DUSP22: variants seen among roughly 807,000 people sequenced by gnomAD.
DUSP22 encodes dual specificity phosphatase 22, also known as dual specificity protein phosphatase 22.
A neutral mutation model predicts 24.5 loss-of-function variants in DUSP22; 24 were observed. The observed-to-expected ratio is 0.98, with a 90% CI of 0.71 to 1.38. The LOEUF (loss-of-function observed/expected upper bound fraction) is 1.38, where lower values mean the gene tolerates loss of function less well. DUSP22 is among the 40% of genes most tolerant of loss of function. DUSP22 has a pLI of 0.00. For missense variants in DUSP22, 330 were observed against 269.2 expected, an observed-to-expected ratio of 1.23 and a Z score of -1.58; for synonymous variants, 160 against 106.4, an observed-to-expected ratio of 1.50 and a Z score of -3.10.
chr6:348,182 C>T lies in DUSP22; in HGVS notation c.343C>T (p.Leu115=), dbSNP rs2127423451. ...CACTGACTTTGGCTGGGAGGATGCC[C>T]TGCACACCGTGCGTGCTGGGAGATC... The part of the protein sequence containing the change: ...TVTDFGWEDA[L]HTVRAGRSCA... The change falls in exon 6 of 7, where the codon CTG becomes TTG. Residue 115 remains leucine, a synonymous_variant. Coordinates refer to ENST00000419235, the MANE Select transcript of DUSP22 (RefSeq NM_001286555.3). 1.2e-6 allele frequency: 2 copies of T among 1,614,312 alleles called. No individual in the cohort carries two copies. Among genetic ancestry groups the T allele is most frequent in the Non-Finnish European group, 1.7e-6 (2 of 1,180,060 alleles).
intron 3 of DUSP22, among the ~76,000 whole-genome samples, chr6:330,956 A>G (rs1177741557): frequency 6.6e-6 from 1 of 152,310 alleles, no homozygotes; most frequent in Non-Finnish European, 1.5e-5. Context: ...GGTCCCCTCA[A>G]CACAGGTAGA....
intron 1 of DUSP22, among the ~76,000 whole-genome samples, chr6:297,115 A>C (rs548363949): frequency 2.1e-3 from 314 of 152,286 alleles, no homozygotes; most frequent in Middle Eastern, 6.8e-3. Context: ...CTGCTGCTTC[A>C]TGGGTGTGAT....
intron 1 of DUSP22, among the ~76,000 whole-genome samples, chr6:295,405 G>A (rs1028623868): frequency 3.3e-5 from 5 of 152,392 alleles, no homozygotes; most frequent in South Asian, 2.1e-4. Flanking sequence ...GCCCGTTTCC[G>A]TTAGGTGTAC....
chr6:314,428 G>A (rs1415864044), intron 3 of DUSP22, among the ~76,000 whole-genome samples: 11 of 152,308 alleles, frequency 7.2e-5, no homozygotes, highest in African/African-American at 2.7e-4. Flanking sequence ...GACGTATTGG[G>A]CACTACACTG....
At chr6:298,654 A>G (rs1411691143) in intron 1 of DUSP22, among the ~76,000 whole-genome samples, 1 of 152,306 alleles carries the variant, frequency 6.6e-6, no homozygotes, top group Non-Finnish European at 1.5e-5. Context: ...GGGTGATTTC[A>G]AAGCATTTCT....
intron 3 of DUSP22, among the ~76,000 whole-genome samples, chr6:313,336 C>T (rs1351912235): frequency 6.6e-6 from 1 of 152,306 alleles, no homozygotes; most frequent in South Asian, 2.1e-4. Flanking sequence ...AATCTGCTCA[C>T]ATTGTAACTT....
chr6:346,205 C>G (rs1212687833), intron 5 of DUSP22, among the ~76,000 whole-genome samples: 4 of 152,302 alleles, frequency 2.6e-5, no homozygotes, highest in African/African-American at 9.6e-5. Context: ...ACAGAAACTT[C>G]CCTTTGCTGG....
Position 349,826 on chromosome 6 carries a change from C to T in DUSP22, c.*875C>T. ...TGTTTGTTCTCTGGAGCTGATTGCACTTGAGCTCTGTGGTGGGCAGGCGCA... is the reference window on the plus strand; with the variant it reads ...TGTTTGTTCTCTGGAGCTGATTGCATTTGAGCTCTGTGGTGGGCAGGCGCA... On this transcript the variant is annotated 3_prime_UTR_variant, in exon 7 of 7. Coordinates refer to ENST00000419235, the MANE Select transcript of DUSP22 (RefSeq NM_001286555.3). The T allele has an allele frequency of 1.0e-6, 1 of 985,962 alleles. No individual in the cohort carries two copies. The highest frequency in any genetic ancestry group is 1.2e-6 in the Non-Finnish European group (1 of 830,272). The allele number at this position is 985,962 out of a possible 1,614,324, so 61.1% of individuals were successfully genotyped here.
intron 1 of DUSP22, among the ~76,000 whole-genome samples, chr6:297,826 G>A (rs1416995471): frequency 6.6e-6 from 1 of 152,308 alleles, no homozygotes; most frequent in Non-Finnish European, 1.5e-5. Context: ...CCTTTGTGCT[G>A]CTAAATCCAT....
intron 6 of DUSP22, chr6:348,486 C>T (rs1044263488): frequency 2.2e-4 from 197 of 886,146 alleles, no homozygotes; most frequent in Middle Eastern, 5.2e-4. Context: ...TTGTCATTCT[C>T]CTTGTGCCTG....
intron 1 of DUSP22, among the ~76,000 whole-genome samples, chr6:292,948 C>G (rs910924221): frequency 1.3e-5 from 2 of 152,292 alleles, no homozygotes; most frequent in African/African-American, 4.8e-5. Context: ...ACCGCCCCCC[C>G]CACATCATTA....
At position 350,896 on chromosome 6, in the gene DUSP22, A is replaced by T. The variant is rs376960207; in HGVS notation, c.*1945A>T. ...TACCTGAAGTTTCTGAAATATTGCAAACCCACAGAGTTTAGGCTGGTGCTG... is the reference window on the plus strand; with the variant it reads ...TACCTGAAGTTTCTGAAATATTGCATACCCACAGAGTTTAGGCTGGTGCTG... On this transcript the variant is annotated 3_prime_UTR_variant, in exon 7 of 7. Transcript: ENST00000419235. The T allele has an allele frequency of 2.0e-4, 324 of 1,613,716 alleles. No individual in the cohort carries two copies. The highest frequency in any genetic ancestry group is 5.6e-5 in the Non-Finnish European group (66 of 1,179,778).
chr6:316,044 T>C (rs1450825531), intron 3 of DUSP22, among the ~76,000 whole-genome samples: 1 of 152,306 alleles, frequency 6.6e-6, no homozygotes, highest in African/African-American at 2.4e-5. Flanking sequence ...TGGCGATGCC[T>C]AAGAATTCAG....
chr6:330,367 C>T (rs1422278512), intron 3 of DUSP22, among the ~76,000 whole-genome samples: 4 of 152,296 alleles, frequency 2.6e-5, no homozygotes, highest in Admixed American at 6.5e-5. Context: ...AGAGACATGG[C>T]TTCTGAAGGG....
At chr6:324,897 A>G (rs1220454376) in intron 3 of DUSP22, among the ~76,000 whole-genome samples, 1 of 152,308 alleles carries the variant, frequency 6.6e-6, no homozygotes, top group Non-Finnish European at 1.5e-5. Flanking sequence ...GGCTTAGCCA[A>G]CTGCAAAACA....
rs535932180 is a variant in DUSP22 at position 320,790 on chromosome 6, T to G, written c.138+8828T>G. On this transcript the variant is annotated intron_variant, in intron 3 of 6. Coordinates refer to ENST00000419235, the MANE Select transcript of DUSP22 (RefSeq NM_001286555.3). ...GGAGGGGGAGATGAGCCCCACCTGATGATAGAGTGGAGGCGGTGGTCAGTA... is the reference window on the plus strand; with the variant it reads ...GGAGGGGGAGATGAGCCCCACCTGAGGATAGAGTGGAGGCGGTGGTCAGTA... Among the ~76,000 whole-genome samples, 48 of 152,384 alleles carry G rather than the reference T, an allele frequency of 3.1e-4. No individual in the cohort carries two copies. In the South Asian group the frequency reaches 4.1e-3, roughly 13 times the overall value.
In DUSP22 at chr6:350,783, G is replaced by C; in HGVS notation, c.*1832G>C. On this transcript the variant is annotated 3_prime_UTR_variant, in exon 7 of 7. Coordinates refer to ENST00000419235, the MANE Select transcript of DUSP22 (RefSeq NM_001286555.3). ...GTATTCTTGGAGTTCTTGAAATGTT[G>C]TTTTAATATTTGTTGCCAGTAATGT... 1.2e-6 allele frequency: 2 copies of C among 1,614,180 alleles called. No individual in the cohort carries two copies. Among genetic ancestry groups the C allele is most frequent in the Non-Finnish European group, 1.7e-6 (2 of 1,179,988 alleles).
intron 3 of DUSP22, among the ~76,000 whole-genome samples, chr6:319,294 C>T (rs1334886678): frequency 1.3e-5 from 2 of 152,296 alleles, no homozygotes; most frequent in Non-Finnish European, 2.9e-5. Context: ...ATGTTCAGGC[C>T]TGGCTGGAAG....
chr6:300,367 T>G (rs1460760327), intron 1 of DUSP22, among the ~76,000 whole-genome samples: 1 of 152,302 alleles, frequency 6.6e-6, no homozygotes, highest in Non-Finnish European at 1.5e-5. Context: ...GGTTTCATGC[T>G]GAAAGCTACA....
Sources: allele counts gnomAD v4.1 joint callset (sites outside exome capture counted in the v4.1 genomes callset), GRCh38; gene constraint gnomAD v4.1.1; transcripts MANE v1.5; gene names NCBI Gene and HGNC (gene_info 2026-07-23, HGNC 2026-07-21).